POM121L12: variants seen among roughly 807,000 people sequenced by gnomAD.
POM121L12 encodes POM121-like protein 12.
For synonymous variants in POM121L12, 251 were observed against 179.2 expected (o/e 1.40, Z -3.20); for missense variants, 553 against 409.2 (o/e 1.35, Z -3.03).
chr7:53,036,359 G>T lies in POM121L12; in HGVS notation c.688G>T (p.Val230Leu). ...LSKNGAVASF[V>L]PRPGPLKPSL... ...CAAAAATGGAGCGGTTGCTTCCTTC[G>T]TGCCCAGGCCAGGGCCTCTGAAGCC... Residue 230 changes from valine (V) to leucine (L), a missense_variant, in exon 1 of 1, where the codon GTG (valine) becomes TTG (leucine). Transcript: ENST00000408890. The T allele has an allele frequency of 6.2e-7, 1 of 1,613,674 alleles. No individual in the cohort carries two copies.
rs568121630 is a variant in POM121L12, at chr7:53,036,708, A to T, written c.*146A>T. 5 of 871,038 alleles carry T rather than the reference A, an allele frequency of 5.7e-6. No individual in the cohort carries two copies. The South Asian group carries it at 9.4e-5, about 16-fold the overall frequency. The allele number at this position is 871,038 out of a possible 1,614,324, so 54.0% of individuals were successfully genotyped here. A position where few individuals can be genotyped will look rare whatever the true frequency, so the allele number is the denominator to read the frequency against. On this transcript the variant is annotated 3_prime_UTR_variant, in exon 1 of 1. Coordinates refer to ENST00000408890, the MANE Select transcript of POM121L12 (RefSeq NM_182595.4). ...ACACCCCTCGTCTGCCCGCCCCCAG[A>T]TCTTCCCTCTGTGCTCCCTGCCACC...
At position 53,035,910 on chromosome 7, in the gene POM121L12, T is replaced by G. The variant is rs1787539785; in HGVS notation, c.239T>G (p.Val80Gly). 2.5e-6 allele frequency: 4 copies of G among 1,612,768 alleles called. No homozygotes were observed. Among genetic ancestry groups the G allele is most frequent in the Non-Finnish European group, 3.4e-6 (4 of 1,179,704 alleles). ...GTGCCCAGCACCCACCTCATCGAGG[T>G]GCGGCCCACCCAGGACCCCGCCAAG... Reference protein sequence around the residue: ...RPVPSTHLIEVRPTQDPAKPQ... With the variant: ...RPVPSTHLIEGRPTQDPAKPQ... Residue 80 changes from valine (V) to glycine (G), a missense_variant, in exon 1 of 1, where the codon GTG becomes GGG. Physicochemically the swap from Val to Gly is moderately radical, Grantham distance 109 (BLOSUM62 -3). Transcript: ENST00000408890.
chr7:53,035,859 T>C lies in POM121L12; in HGVS notation c.188T>C (p.Ile63Thr), dbSNP rs758077117. The stretch of plus-strand genomic sequence containing the variant: ...CTGAGGTCCCTGACTCAGAGCCATA[T>C]TCAGTACTTCCAGTGGGGGCGCCCG... ...WPLRSLTQSH[I>T]QYFQWGRPVP... The change falls in exon 1 of 1, where the codon ATT (isoleucine) becomes ACT (threonine). Residue 63 changes from isoleucine to threonine, a missense_variant. Ile to Thr is a moderately conservative substitution (Grantham distance 89). Transcript: ENST00000408890. The C allele has an allele frequency of 3.1e-6, 5 of 1,613,444 alleles. No homozygotes were observed. The Admixed American group carries it at 5.0e-5, about 16-fold the overall frequency.
chr7:53,035,955 A>C lies in POM121L12; in HGVS notation c.284A>C (p.Glu95Ala), dbSNP rs1266958060. ...DPAKPQRVVS[E>A]GWRRPALPGE... ...GCCAAGCCGCAGCGGGTGGTCTCCG[A>C]GGGCTGGAGGCGCCCTGCCCTTCCC... Residue 95 changes from glutamate to alanine, a missense_variant, in exon 1 of 1, where the codon GAG becomes GCG. By Grantham distance (107) the Glu-to-Ala change is moderately radical. Coordinates refer to ENST00000408890, the MANE Select transcript of POM121L12 (RefSeq NM_182595.4). 1.2e-6 allele frequency: 2 copies of C among 1,612,526 alleles called. No homozygotes were observed. The highest frequency in any genetic ancestry group is 1.7e-6 in the Non-Finnish European group (2 of 1,179,494).
Position 53,035,786 on chromosome 7 carries a change from A to G in POM121L12, c.115A>G (p.Thr39Ala), listed in dbSNP as rs761515447. 1.2e-6 allele frequency: 2 copies of G among 1,613,688 alleles called. No individual in the cohort carries two copies. Among genetic ancestry groups the G allele is most frequent in the East Asian group, 4.5e-5 (2 of 44,810 alleles). ...GGCTCCCATGAGCAGGTCACCCAGCACGCCCCAGACCACGCCATCTCCCCA... is the reference window on the plus strand; with the variant it reads ...GGCTCCCATGAGCAGGTCACCCAGCGCGCCCCAGACCACGCCATCTCCCCA... The part of the protein sequence containing the change: ...LAAPMSRSPS[T>A]PQTTPSPQGR... Residue 39 changes from threonine to alanine, a missense_variant, in exon 1 of 1, where the codon ACG becomes GCG. Thr to Ala is a moderately conservative substitution (Grantham distance 58). Coordinates refer to ENST00000408890, the MANE Select transcript of POM121L12 (RefSeq NM_182595.4).
At position 53,035,938 on chromosome 7, in the gene POM121L12, G is replaced by T. The variant is rs772385441; in HGVS notation, c.267G>T (p.Pro89=). 14 of 1,612,502 alleles carry T rather than the reference G, an allele frequency of 8.7e-6. No homozygotes were observed. In the African/African-American group the frequency reaches 1.3e-4, roughly 15 times the overall value. Residue 89 remains proline, a synonymous_variant, in exon 1 of 1, where the codon CCG becomes CCT. Transcript: ENST00000408890. ...EVRPTQDPAK[P]QRVVSEGWRR... is the part of the protein sequence containing the mutation. ...GGCCCACCCAGGACCCCGCCAAGCC[G>T]CAGCGGGTGGTCTCCGAGGGCTGGA...
rs752598901 is a variant in POM121L12, at chr7:53,036,451, C to G, written c.780C>G (p.Ala260=). The change falls in exon 1 of 1, where the codon GCC becomes GCG. Residue 260 remains alanine (A), a synonymous_variant. Transcript: ENST00000408890. The part of the protein sequence containing the change: ...DAWPSVLVQP[A]PSAIWDFWEA... ...GGCCTTCCGTGCTGGTCCAGCCCGC[C>G]CCATCCGCCATCTGGGACTTCTGGG... The G allele has an allele frequency of 1.2e-6, 2 of 1,613,754 alleles. No homozygotes were observed. The highest frequency in any genetic ancestry group is 8.5e-7 in the Non-Finnish European group (1 of 1,180,048).
rs373793681 is a variant in POM121L12, at chr7:53,035,708, G to C, written c.37G>C (p.Gly13Arg). The change falls in exon 1 of 1, where the codon GGG (glycine) becomes CGG (arginine). Residue 13 changes from glycine (G) to arginine (R), a missense_variant. Coordinates refer to ENST00000408890, the MANE Select transcript of POM121L12 (RefSeq NM_182595.4). ...AGCTCCGGCCGAGTCCGCAGACCTCGGGAACTTCTGGAAGGCGGGAGAACC... is the reference window on the plus strand; with the variant it reads ...AGCTCCGGCCGAGTCCGCAGACCTCCGGAACTTCTGGAAGGCGGGAGAACC... ...AAAPAESADL[G>R]NFWKAGEPLL... 188 of 1,607,582 alleles carry C rather than the reference G, an allele frequency of 1.2e-4. 2 individuals are homozygous for C. In the South Asian group the frequency reaches 1.9e-3, roughly 17 times the overall value.
rs1301588662 is a variant in POM121L12 at position 53,036,887 on chromosome 7, T to C, written c.*325T>C. ...TGTATAGTTAAATTGTCCAGTTGTA[T>C]AGTTAAATATTTGATCTTATTAAAA... On this transcript the variant is annotated 3_prime_UTR_variant, in exon 1 of 1. Coordinates refer to ENST00000408890, the MANE Select transcript of POM121L12 (RefSeq NM_182595.4). 2 of 303,124 alleles carry C rather than the reference T, an allele frequency of 6.6e-6. No homozygotes were observed. Among genetic ancestry groups the C allele is most frequent in the African/African-American group, 4.3e-5 (2 of 46,164 alleles). 18.8% of individuals were successfully genotyped at this position (303,124 alleles called of 1,614,324 possible). A position where few individuals can be genotyped will look rare whatever the true frequency, so the allele number is the denominator to read the frequency against.
At chr7:53,036,533 AC>A in the POM121L12 span, 2 of 1,612,472 alleles carry the variant, frequency 1.2e-6, no homozygotes, top group South Asian at 2.2e-5. Flanking sequence ...CCTCGAGGTC[AC>A]CCAGTCTGCT....
In POM121L12 at chr7:53,035,742, A is replaced by C. The variant is rs780165073; in HGVS notation, c.71A>C (p.Gln24Pro). The C allele has an allele frequency of 6.2e-7, 1 of 1,613,296 alleles. No individual in the cohort carries two copies. Among genetic ancestry groups the C allele is most frequent in the Admixed American group, 1.7e-5 (1 of 59,962 alleles). The stretch of plus-strand genomic sequence containing the variant: ...TGGAAGGCGGGAGAACCCCTGCTGC[A>C]AGGCCCCGACGCCCTGGCGGCTCCC... The part of the protein sequence containing the change: ...NFWKAGEPLL[Q>P]GPDALAAPMS... The change falls in exon 1 of 1, where the codon CAA becomes CCA. Residue 24 changes from glutamine to proline, a missense_variant. By Grantham distance (76) the Gln-to-Pro change is moderately conservative. Transcript: ENST00000408890.
At chr7:53,036,137 CAG>C in the POM121L12 span, 1 of 1,611,060 alleles carries the variant, frequency 6.2e-7, no homozygotes, top group Non-Finnish European at 8.5e-7. Flanking sequence ...ATCCCCTGGA[CAG>C]AGAGCCCGCC....
rs1457128115 is a variant in POM121L12 at position 53,035,843 on chromosome 7, C to G, written c.172C>G (p.Leu58Val). The change falls in exon 1 of 1, where the codon CTG (leucine) becomes GTG (valine). Residue 58 changes from leucine (L) to valine (V), a missense_variant. Transcript: ENST00000408890. ...CCAGAGTCCCTGGCCCCTGAGGTCC[C>G]TGACTCAGAGCCATATTCAGTACTT... is the stretch of plus-strand genomic sequence containing the variant. ...GRQSPWPLRS[L>V]TQSHIQYFQW... 6.2e-7 allele frequency: 1 copy of G among 1,613,534 alleles called. No homozygotes were observed. Among genetic ancestry groups the G allele is most frequent in the African/African-American group, 1.3e-5 (1 of 74,922 alleles).
chr7:53,035,969 C>A lies in POM121L12; in HGVS notation c.298C>A (p.Pro100Thr), dbSNP rs763654322. The change falls in exon 1 of 1, where the codon CCT becomes ACT. Residue 100 changes from proline to threonine, a missense_variant. Physicochemically the swap from Pro to Thr is conservative, Grantham distance 38. Coordinates refer to ENST00000408890, the MANE Select transcript of POM121L12 (RefSeq NM_182595.4). ...QRVVSEGWRR[P>T]ALPGETALGR... ...GGTGGTCTCCGAGGGCTGGAGGCGC[C>A]CTGCCCTTCCCGGGGAGACCGCTCT... 2 of 1,612,628 alleles carry A rather than the reference C, an allele frequency of 1.2e-6. No homozygotes were observed. The highest frequency in any genetic ancestry group is 2.2e-5 in the South Asian group (2 of 91,050).
Position 53,036,285 on chromosome 7 carries a change from G to T in POM121L12, c.614G>T (p.Gly205Val), listed in dbSNP as rs761971937. 23 of 1,613,992 alleles carry T rather than the reference G, an allele frequency of 1.4e-5. No individual in the cohort carries two copies. In the Admixed American group the frequency reaches 2.7e-4, roughly 19 times the overall value. The change falls in exon 1 of 1, where the codon GGT becomes GTT. Residue 205 changes from glycine to valine, a missense_variant. By Grantham distance (109) the Gly-to-Val change is moderately radical. Transcript: ENST00000408890. ...TGGTTCGAGGTCTCAGACAGCAAGG[G>T]TGGCAGGCGGAACCTGCAGCCCCGG... is the stretch of plus-strand genomic sequence containing the variant. ...PLWFEVSDSK[G>V]GRRNLQPRPS...
Position 53,036,258 on chromosome 7 carries a change from T to C in POM121L12, c.587T>C (p.Leu196Ser), listed in dbSNP as rs1231948771. The C allele has an allele frequency of 5.6e-6, 9 of 1,613,890 alleles. No individual in the cohort carries two copies. In the Admixed American group the frequency reaches 1.2e-4, roughly 21 times the overall value. ...GGAAGCGCTAGGTTCGACGGGCCGT[T>C]GTGGTTCGAGGTCTCAGACAGCAAG... ...PKGSARFDGPLWFEVSDSKGG... is the reference protein window; with the variant it reads ...PKGSARFDGPSWFEVSDSKGG... The change falls in exon 1 of 1, where the codon TTG (leucine) becomes TCG (serine). Residue 196 changes from leucine to serine, a missense_variant. By Grantham distance (145) the Leu-to-Ser change is moderately radical. Transcript: ENST00000408890.
Position 53,035,804 on chromosome 7 carries a change from T to C in POM121L12, c.133T>C (p.Ser45Pro). Residue 45 changes from serine (S) to proline (P), a missense_variant, in exon 1 of 1, where the codon TCT becomes CCT. Transcript: ENST00000408890. ...ACCCAGCACGCCCCAGACCACGCCA[T>C]CTCCCCAGGGTCGCCAGAGTCCCTG... ...RSPSTPQTTP[S>P]PQGRQSPWPL... is the part of the protein sequence containing the mutation. 1 of 1,613,454 alleles carries C rather than the reference T, an allele frequency of 6.2e-7. No individual in the cohort carries two copies. Among genetic ancestry groups the C allele is most frequent in the Non-Finnish European group, 8.5e-7 (1 of 1,179,846 alleles).
In POM121L12 at chr7:53,036,823, A is replaced by G; in HGVS notation, c.*261A>G. On this transcript the variant is annotated 3_prime_UTR_variant, in exon 1 of 1. Transcript: ENST00000408890. ...TCCTGCCCTTCCTCTGAAAAGAGGC[A>G]TTTCGGGAAGGCTTGCTTTTTCTCC... 1 of 461,106 alleles carries G rather than the reference A, an allele frequency of 2.2e-6. No homozygotes were observed. The highest frequency in any genetic ancestry group is 3.3e-5 in the East Asian group (1 of 30,032). 28.6% of individuals were successfully genotyped at this position (461,106 alleles called of 1,614,324 possible).
Position 53,036,685 on chromosome 7 carries a change from A to T in POM121L12, c.*123A>T, listed in dbSNP as rs1583692796. 1 of 1,063,384 alleles carries T rather than the reference A, an allele frequency of 9.4e-7. No homozygotes were observed. The highest frequency in any genetic ancestry group is 1.3e-6 in the Non-Finnish European group (1 of 742,666). 65.9% of individuals were successfully genotyped at this position (1,063,384 alleles called of 1,614,324 possible). A position where few individuals can be genotyped will look rare whatever the true frequency, so the allele number is the denominator to read the frequency against. On this transcript the variant is annotated 3_prime_UTR_variant, in exon 1 of 1. Coordinates refer to ENST00000408890, the MANE Select transcript of POM121L12 (RefSeq NM_182595.4). ...ACGTTATCAAACATGCAGCCCCCACACCCCTCGTCTGCCCGCCCCCAGATC... is the reference window on the plus strand; with the variant it reads ...ACGTTATCAAACATGCAGCCCCCACTCCCCTCGTCTGCCCGCCCCCAGATC...
Sources: gnomAD v4.1 joint callset for allele counts on GRCh38, gnomAD v4.1.1 for gene constraint, MANE v1.5 for transcripts, NCBI Gene and HGNC (gene_info 2026-07-23, HGNC 2026-07-21) for gene names.